The following DPP6 variants were observed in gnomAD, a reference collection of about 807,000 sequenced individuals.
The protein encoded by DPP6 is dipeptidyl peptidase like 6.
Under a neutral mutation model 122.6 loss-of-function variants are expected in DPP6, and 69 were observed. That is an observed-to-expected ratio of 0.56 (90% CI 0.46 to 0.69). The LOEUF (loss-of-function observed/expected upper bound fraction) is 0.69, where lower values mean the gene tolerates loss of function less well. Ranked by LOEUF, DPP6 falls within the 30% of genes least tolerant of loss-of-function variation. The pLI is 0.00. For missense variants in DPP6, 928 were observed against 1,116.9 expected (o/e 0.83, Z 2.41); for synonymous variants, 418 against 433.1 (o/e 0.97, Z 0.43).
intron 1 of DPP6, among the ~76,000 whole-genome samples, chr7:154,258,163 G>A (rs1339942104): frequency 6.6e-6 from 1 of 150,990 alleles, no homozygotes; most frequent in African/African-American, 2.4e-5. Flanking sequence ...GGGGAGGGGA[G>A]GGGAGGAGAG....
At chr7:154,136,099 T>A (rs1382895007) in intron 1 of DPP6, among the ~76,000 whole-genome samples, 1 of 152,218 alleles carries the variant, frequency 6.6e-6, no homozygotes, top group African/African-American at 2.4e-5. Flanking sequence ...GACCTACCTC[T>A]CTTGTGTTTC....
At chr7:154,439,792 G>T (rs1023495164) in intron 1 of DPP6, among the ~76,000 whole-genome samples, 1 of 152,238 alleles carries the variant, frequency 6.6e-6, no homozygotes, top group African/African-American at 2.4e-5. Context: ...TGGTGGGTAG[G>T]ATTTCAAACT....
intron 1 of DPP6, among the ~76,000 whole-genome samples, chr7:154,069,469 C>T (rs1802965074): frequency 6.6e-6 from 1 of 150,586 alleles, no homozygotes. Flanking sequence ...TGAGAATGTT[C>T]AAATTATAGT....
Position 154,883,873 on chromosome 7 carries a change from C to A in DPP6, c.2134-1760C>A, listed in dbSNP as rs1342164730. 154 of 130,028 alleles carry A rather than the reference C, an allele frequency of 1.2e-3. 1 individual carries two copies. The highest frequency in any genetic ancestry group is 5.4e-3 in the Middle Eastern group (1 of 186). The allele number at this position is 130,028 out of a possible 1,614,324, so 8.1% of individuals were successfully genotyped here. On this transcript the variant is annotated intron_variant, in intron 21 of 25. Transcript: ENST00000377770. Reference sequence around the variant, plus strand: ...CATGCTCACATGATTACACATGCTCCCACATACATACATGCTCACACACAT... The same window carrying A: ...CATGCTCACATGATTACACATGCTCACACATACATACATGCTCACACACAT...
At chr7:154,465,277 TAGTC>T (rs1209022554) in intron 2 of DPP6, among the ~76,000 whole-genome samples, 4 of 152,244 alleles carry the variant, frequency 2.6e-5, no homozygotes, top group Non-Finnish European at 5.9e-5. Context: ...CAAATTTTAT[TAGTC>T]AGCTTGAGCT....
At chr7:154,739,857 G>A (rs191844424) in intron 8 of DPP6, among the ~76,000 whole-genome samples, 2 of 152,314 alleles carry the variant, frequency 1.3e-5, no homozygotes, top group African/African-American at 2.4e-5. Context: ...CAGTGGGGGC[G>A]GCTTCAGCGT....
chr7:153,948,455 A>G (rs941848218), intron 1 of DPP6, among the ~76,000 whole-genome samples: 1 of 152,114 alleles, frequency 6.6e-6, no homozygotes, highest in Non-Finnish European at 1.5e-5. Context: ...CAGCAAGCCC[A>G]CACCGGTTCC....
chr7:154,485,511 AAC>A (rs1345616159), intron 3 of DPP6, among the ~76,000 whole-genome samples: 1 of 152,148 alleles, frequency 6.6e-6, no homozygotes, highest in Non-Finnish European at 1.5e-5. Context: ...TTTTCTGCCT[AAC>A]ACAGTTTCAA....
chr7:153,967,169 T>C (rs1227574342), intron 1 of DPP6, among the ~76,000 whole-genome samples: 2 of 152,182 alleles, frequency 1.3e-5, no homozygotes, highest in East Asian at 1.9e-4. Flanking sequence ...TGTTAGAGTG[T>C]GGTCAGGGTT....
chr7:154,843,813 G>T (rs1042630482), intron 16 of DPP6, among the ~76,000 whole-genome samples: 18 of 152,204 alleles, frequency 1.2e-4, no homozygotes, highest in Non-Finnish European at 2.5e-4. Context: ...TTTACTTACA[G>T]GAGTCCCCGC....
In DPP6 at chr7:153,887,336, A is replaced by C. The variant is rs550117912; in HGVS notation, c.-348A>C. On this transcript the variant is annotated 5_prime_UTR_variant, in exon 1 of 26. Coordinates refer to the DPP6 transcript ENST00000404039. The stretch of plus-strand genomic sequence containing the variant: ...CGCCGAGCTCGGTGGACACGCGCGC[A>C]GTCAGAGCTGCCTCTCGCCCTCGCT... The C allele has an allele frequency of 2.2e-4, 42 of 190,826 alleles. No individual in the cohort carries two copies. In the South Asian group the frequency reaches 2.8e-3, roughly 13 times the overall value. The allele number at this position is 190,826 out of a possible 1,614,324, so 11.8% of individuals were successfully genotyped here. A position where few individuals can be genotyped will look rare whatever the true frequency, so the allele number is the denominator to read the frequency against.
intron 1 of DPP6, among the ~76,000 whole-genome samples, chr7:154,181,673 G>C (rs900573974): frequency 6.6e-6 from 1 of 151,660 alleles, no homozygotes; most frequent in Non-Finnish European, 1.5e-5. Flanking sequence ...TTATCTCTCT[G>C]TGTGTGTTTA....
At chr7:154,115,230 C>T (rs116591010) in intron 1 of DPP6, among the ~76,000 whole-genome samples, 232 of 152,272 alleles carry the variant, frequency 1.5e-3, no homozygotes, top group African/African-American at 5.5e-3. Flanking sequence ...GGTGCTGTCC[C>T]CCCTTCTGCC....
At chr7:154,277,760 G>A (rs1804234110) in intron 1 of DPP6, among the ~76,000 whole-genome samples, 1 of 152,162 alleles carries the variant, frequency 6.6e-6, no homozygotes, top group African/African-American at 2.4e-5. Context: ...GTGAGATTCT[G>A]TCTCCAAAAA....
At chr7:154,471,532 ATT>A (rs1449210501) in intron 2 of DPP6, among the ~76,000 whole-genome samples, 2 of 152,058 alleles carry the variant, frequency 1.3e-5, no homozygotes, top group African/African-American at 4.8e-5. Flanking sequence ...CACATCACCC[ATT>A]TGGGGGAAAG....
intron 1 of DPP6, among the ~76,000 whole-genome samples, chr7:154,334,949 A>G (rs1186825992): frequency 6.6e-6 from 1 of 152,190 alleles, no homozygotes; most frequent in Non-Finnish European, 1.5e-5. Flanking sequence ...CTTGTATTCA[A>G]GCCAAGCTTA....
At chr7:154,679,669 T>C (rs1839164145) in intron 7 of DPP6, among the ~76,000 whole-genome samples, 1 of 152,208 alleles carries the variant, frequency 6.6e-6, no homozygotes, top group Non-Finnish European at 1.5e-5. Flanking sequence ...ATGTCCTATA[T>C]GTGGAGAAGA....
Position 154,481,478 on chromosome 7 carries a change from A to G in DPP6, c.457+6441A>G, listed in dbSNP as rs1408734625. 6.8e-6 allele frequency among the ~76,000 whole-genome samples: 1 copy of G among 146,590 alleles called. No individual in the cohort carries two copies. The highest frequency in any genetic ancestry group is 2.5e-5 in the African/African-American group (1 of 39,502). On this transcript the variant is annotated intron_variant, in intron 3 of 25. Coordinates refer to ENST00000377770, the MANE Select transcript of DPP6 (RefSeq NM_130797.4). This position sits in a 1 kb window ranked among gnomAD's most constrained non-coding sequence, Gnocchi z 4.2. The stretch of plus-strand genomic sequence containing the variant: ...CCCAGCACTACATCATCCTCCCCCA[A>G]CCTCTTCACAGACCCCCCGCTGCCC...
At chr7:154,453,200 T>A (rs754185223) in intron 2 of DPP6, among the ~76,000 whole-genome samples, 2 of 152,126 alleles carry the variant, frequency 1.3e-5, no homozygotes, top group Non-Finnish European at 2.9e-5. Context: ...TTTTATGGAA[T>A]CTCACATTAG....
Sources: allele counts gnomAD v4.1 joint callset (sites outside exome capture counted in the v4.1 genomes callset), GRCh38; gene constraint gnomAD v4.1.1; non-coding constraint Gnocchi (gnomAD v3.1); transcripts MANE v1.5; gene names NCBI Gene and HGNC (gene_info 2026-07-23, HGNC 2026-07-21).